Variants in SHPRH observed in about 807,000 individuals in gnomAD.
SHPRH encodes the protein SNF2 histone linker PHD RING helicase.
Under a neutral mutation model 202.5 loss-of-function variants are expected in SHPRH, and 106 were observed. That is an observed-to-expected ratio of 0.52 (90% CI 0.45 to 0.62). SHPRH has a LOEUF of 0.62. Ranked by LOEUF, SHPRH falls within the 20% of genes least tolerant of loss-of-function variation. SHPRH has a pLI of 0.00. For missense variants in SHPRH, 1,710 were observed against 2,020.0 expected (o/e 0.85, Z 2.94); for synonymous variants, 729 against 686.0 (o/e 1.06, Z -0.98).
rs562842965 is a variant in SHPRH, at chr6:145,888,218, C to T, written c.4875-118G>A. 284 of 657,914 alleles carry T rather than the reference C, an allele frequency of 4.3e-4. 1 individual carries two copies. Among genetic ancestry groups the T allele is most frequent in the Admixed American group, 5.0e-4 (18 of 36,204 alleles). The allele number at this position is 657,914 out of a possible 1,614,324, so 40.8% of individuals were successfully genotyped here. A position where few individuals can be genotyped will look rare whatever the true frequency, so the allele number is the denominator to read the frequency against. ...AGTTGGTGCCCACTTGTGGCAGGTG[C>T]TGGGAGGGGTTCAGCAGCGAATAAA... is the stretch of plus-strand genomic sequence containing the variant. On this transcript the variant is annotated intron_variant, in intron 28 of 29. Transcript: ENST00000275233.
intron 14 of SHPRH, among the ~76,000 whole-genome samples, chr6:145,927,817 T>A (rs1364689392): frequency 1.3e-5 from 2 of 152,022 alleles, no homozygotes. Flanking sequence ...AAACTTCATG[T>A]CAGAAACTCA....
chr6:145,880,801 TAAAAC>T (rs774488007), downstream of SHPRH, among the ~76,000 whole-genome samples: 94 of 152,134 alleles, frequency 6.2e-4, no homozygotes, highest in Admixed American at 3.8e-3. Context: ...TTTTGGTTAA[TAAAAC>T]AAAATGATGT....
chr6:145,942,777 A>C (rs1171641893), intron 9 of SHPRH, among the ~76,000 whole-genome samples: 1 of 152,178 alleles, frequency 6.6e-6, no homozygotes, highest in Non-Finnish European at 1.5e-5. Flanking sequence ...TTTTGGAGCT[A>C]AGAGATGGCA....
intron 11 of SHPRH, among the ~76,000 whole-genome samples, chr6:145,940,344 CTT>C (rs1394956750): frequency 6.6e-6 from 1 of 151,296 alleles, no homozygotes; most frequent in Non-Finnish European, 1.5e-5. Flanking sequence ...AATTAATTCC[CTT>C]TCTCTCTTTT....
Position 145,923,676 on chromosome 6 carries a change from T to C in SHPRH, c.3512A>G (p.Lys1171Arg), listed in dbSNP as rs776772318. ...CATAGAAAGCTTGCCAGTTTGTTGC[T>C]TGTAGTTGCTGGTTATTTCATTTCG... is the stretch of plus-strand genomic sequence containing the variant. Reference protein sequence around the residue: ...RVRNEITSNYKQQTGKLSMSE... With the variant: ...RVRNEITSNYRQQTGKLSMSE... Residue 1171 changes from lysine (K) to arginine (R), a missense_variant, in exon 18 of 30, where the codon AAG becomes AGG. This residue lies in a region of SHPRH where 288 missense variants were observed against 317.8 expected (regional missense o/e 0.91). Transcript: ENST00000275233. The C allele has an allele frequency of 1.9e-6, 3 of 1,611,962 alleles. No individual in the cohort carries two copies. The highest frequency in any genetic ancestry group is 1.7e-5 in the Admixed American group (1 of 59,828).
the SHPRH span, among the ~76,000 whole-genome samples, chr6:145,858,865 A>G: frequency 6.6e-6 from 1 of 152,028 alleles, no homozygotes. Context: ...CATACTTTCA[A>G]CAGGCATAGA....
chr6:145,945,724 C>A (rs1787300572), intron 7 of SHPRH, 87 bp from the exon 8 acceptor site: 9 of 1,343,608 alleles, frequency 6.7e-6, no homozygotes, highest in Non-Finnish European at 8.8e-6. Flanking sequence ...TGCATGAGGA[C>A]TGAGTTAAGA....
In SHPRH at chr6:145,894,873, T is replaced by C. The variant is rs1781879064; in HGVS notation, c.4608+12A>G. ...TTCGAATTAATATTGAGGATGAAAA[T>C]GTTGATTATACCGTTGAGAAAACGA... On this transcript the variant is annotated intron_variant, in intron 26 of 29. Transcript: ENST00000275233. The C allele has an allele frequency of 6.2e-7, 1 of 1,610,830 alleles. No individual in the cohort carries two copies. Among genetic ancestry groups the C allele is most frequent in the Admixed American group, 1.7e-5 (1 of 59,782 alleles).
At chr6:145,898,077 T>G (rs1393700585) in intron 25 of SHPRH, among the ~76,000 whole-genome samples, 2 of 152,182 alleles carry the variant, frequency 1.3e-5, no homozygotes, top group Admixed American at 1.3e-4. Context: ...TTAAACTGTT[T>G]GCAGATGACA....
Position 145,950,338 on chromosome 6 carries a change from A to C in SHPRH, c.908T>G (p.Val303Gly). Residue 303 changes from valine to glycine, a missense_variant, in exon 4 of 30, where the codon GTG (valine) becomes GGG (glycine). Around this residue, in one of 8 missense-constraint regions of SHPRH, gnomAD observed 459 missense variants for 426.5 expected, o/e 1.08. Transcript: ENST00000275233. Reference protein sequence around the residue: ...VDVQHPALIPVLRPYQREAVN... With the variant: ...VDVQHPALIPGLRPYQREAVN... ...AGCCTCTCTTTGGTAGGGTCTCAAC[A>C]CAGGGATCAATGCAGGATGCTGGAC... is the stretch of plus-strand genomic sequence containing the variant. 6.2e-7 allele frequency: 1 copy of C among 1,613,258 alleles called. No homozygotes were observed. Among genetic ancestry groups the C allele is most frequent in the Non-Finnish European group, 8.5e-7 (1 of 1,179,418 alleles).
chr6:145,886,836 C>G, intron 29 of SHPRH, 49 bp from the exon 30 acceptor site: 1 of 1,581,054 alleles, frequency 6.3e-7, no homozygotes, highest in Non-Finnish European at 8.6e-7. Context: ...CCCAAGCCAT[C>G]AGCGATTATA....
At chr6:145,904,656 G>A (rs1413791530) in intron 25 of SHPRH, 1 of 152,234 alleles carries the variant, frequency 6.6e-6, no homozygotes, top group East Asian at 1.9e-4. Flanking sequence ...AAGCAGTGAA[G>A]AGCCAACCTA....
At chr6:145,928,087 A>T (rs1582723417) in intron 14 of SHPRH, among the ~76,000 whole-genome samples, 1 of 152,000 alleles carries the variant, frequency 6.6e-6, no homozygotes, top group South Asian at 2.1e-4. Flanking sequence ...ATTAAATTTC[A>T]GGGTCCATAG....
chr6:145,935,062 C>T lies in SHPRH; in HGVS notation c.2835G>A (p.Val945=), dbSNP rs777655025. ...HRQHEVCCQD[V]VVKLRKISDW... ...CAGAAATCTTCCTGAGTTTTACCAC[C>T]ACATCCTGGCAGCACACCTCATGCT... is the stretch of plus-strand genomic sequence containing the variant. The change falls in exon 13 of 30, where the codon GTG becomes GTA. Residue 945 remains valine (V), a synonymous_variant. Coordinates refer to ENST00000275233, the MANE Select transcript of SHPRH (RefSeq NM_001042683.3). 1.2e-6 allele frequency: 2 copies of T among 1,613,918 alleles called. No homozygotes were observed. Among genetic ancestry groups the T allele is most frequent in the South Asian group, 2.2e-5 (2 of 91,070 alleles).
intron 14 of SHPRH, among the ~76,000 whole-genome samples, chr6:145,929,068 T>A (rs1451704130): frequency 1.3e-5 from 2 of 151,966 alleles, no homozygotes; most frequent in African/African-American, 2.4e-5. Flanking sequence ...GAAGGTATAG[T>A]GATTAAACTA....
At position 145,924,845 on chromosome 6, in the gene SHPRH, G is replaced by T; in HGVS notation, c.3296C>A (p.Ala1099Asp). ...CATGTAGTGCTCTCGCAGCTGTTTG[G>T]CCTGTGTTGAAACAGAGAATATAAA... ...TLRDGRLEEE[A>D]KQLREHYMSK... The change falls in exon 17 of 30, where the codon GCC becomes GAC. Residue 1099 changes from alanine to aspartate, a missense_variant and splice_region_variant. Transcript: ENST00000275233. 2 of 1,610,418 alleles carry T rather than the reference G, an allele frequency of 1.2e-6. No homozygotes were observed. Among genetic ancestry groups the T allele is most frequent in the Non-Finnish European group, 1.7e-6 (2 of 1,177,686 alleles).
intron 1 of SHPRH, among the ~76,000 whole-genome samples, chr6:145,962,372 C>A (rs1269135097): frequency 2.0e-5 from 3 of 152,178 alleles, no homozygotes; most frequent in Non-Finnish European, 4.4e-5. Context: ...GTATTCCCTC[C>A]TTTTGAGGAC....
chr6:145,894,287 C>T, intron 26 of SHPRH, 51 bp from the exon 27 acceptor site: 1 of 1,326,926 alleles, frequency 7.5e-7, no homozygotes, highest in Non-Finnish European at 1.0e-6. Flanking sequence ...TAGCCTTTAT[C>T]TAAGGGTATC....
chr6:145,921,427 G>T, intron 20 of SHPRH, 35 bp from the exon 21 acceptor site: 1 of 1,586,274 alleles, frequency 6.3e-7, no homozygotes, highest in South Asian at 1.1e-5. Context: ...ACAGTAACTG[G>T]TATCAGTGAG....
Sources: gnomAD v4.1 joint callset for allele counts (sites outside exome capture counted in the v4.1 genomes callset) on GRCh38, gnomAD v4.1.1 for gene constraint, gnomAD v4.1.1 regional missense constraint, MANE v1.5 for transcripts, NCBI Gene and HGNC (gene_info 2026-07-23, HGNC 2026-07-21) for gene names.